Variants in ANKRD11 observed in about 807,000 individuals in gnomAD.
ANKRD11 encodes ankyrin repeat domain-containing protein 11.
In ANKRD11, 17 loss-of-function variants were observed where a neutral mutation model predicts 195.7. That is an observed-to-expected ratio of 0.09 (90% CI 0.06 to 0.13). ANKRD11 has a LOEUF of 0.13. Ranked by LOEUF, ANKRD11 falls within the 10% of genes least tolerant of loss-of-function variation. The pLI, the probability that ANKRD11 is intolerant of heterozygous loss-of-function variation, is 1.00. For missense variants in ANKRD11, 3,735 were observed against 3,566.1 expected (o/e 1.05, Z -1.21); for synonymous variants, 1,953 against 1,528.1 (o/e 1.28, Z -6.49).
At chr16:89,442,734 G>A (rs1018352832) in intron 1 of ANKRD11, among the ~76,000 whole-genome samples, 5 of 152,112 alleles carry the variant, frequency 3.3e-5, no homozygotes, top group East Asian at 1.9e-4. Context: ...ACCCAGACAC[G>A]CACAGCAAGG....
At chr16:89,468,436 G>C (rs991972241) in intron 1 of ANKRD11, among the ~76,000 whole-genome samples, 3 of 152,310 alleles carry the variant, frequency 2.0e-5, no homozygotes, top group Admixed American at 6.5e-5. Flanking sequence ...CAGGTGCAAT[G>C]GCTCACACTT....
intron 4 of ANKRD11, among the ~76,000 whole-genome samples, chr16:89,295,216 G>A (rs2035336959): frequency 6.6e-6 from 1 of 152,224 alleles, no homozygotes; most frequent in Non-Finnish European, 1.5e-5. Context: ...AACACGGCCT[G>A]CAGGCTCTGA....
In ANKRD11 at chr16:89,432,978, CT is replaced by C. The variant is rs1483389291; in HGVS notation, c.-144-14611del. Among the ~76,000 whole-genome samples the C allele has an allele frequency of 2.4e-3, 344 of 144,644 alleles. 1 individual carries two copies. Among genetic ancestry groups the C allele is most frequent in the African/African-American group, 8.8e-3 (326 of 37,004 alleles). The allele number at this position is 144,644 out of a possible 152,430, so 94.9% of individuals were successfully genotyped here. On this transcript the variant is annotated intron_variant, in intron 1 of 12. Coordinates refer to ENST00000301030, the MANE Select transcript of ANKRD11 (RefSeq NM_013275.6). ...TCTCTCTCTCTCTCTCTCTCTCTCT[CT>C]CTCTCTCTCTCCTCTCTCTCACACA...
At chr16:89,278,167 C>G (rs1567549590) in intron 9 of ANKRD11, 1 of 291,392 alleles carries the variant, frequency 3.4e-6, no homozygotes, top group Non-Finnish European at 6.7e-6. Context: ...ACGCCACACG[C>G]TGGGGCTGGA....
intron 2 of ANKRD11, among the ~76,000 whole-genome samples, chr16:89,392,225 G>A (rs1249278701): frequency 1.3e-5 from 2 of 152,232 alleles, no homozygotes; most frequent in African/African-American, 2.4e-5. Context: ...AACTGCAGGC[G>A]AGTGTACCCT....
chr16:89,370,492 A>T (rs959580956), intron 2 of ANKRD11, among the ~76,000 whole-genome samples: 3 of 152,136 alleles, frequency 2.0e-5, no homozygotes, highest in Admixed American at 6.5e-5. Flanking sequence ...CTTGAGGCAA[A>T]TTCCCCCAAC....
At chr16:89,440,542 G>A (rs2043404784) in intron 1 of ANKRD11, among the ~76,000 whole-genome samples, 1 of 152,174 alleles carries the variant, frequency 6.6e-6, no homozygotes, top group South Asian at 2.1e-4. Context: ...CTTGAGACCA[G>A]GAGGTCAACA....
chr16:89,397,834 G>A (rs1031482577), intron 2 of ANKRD11, among the ~76,000 whole-genome samples: 3 of 152,220 alleles, frequency 2.0e-5, no homozygotes, highest in African/African-American at 7.2e-5. Context: ...CCCGTGCCAC[G>A]TCTCCCAGCT....
At chr16:89,312,264 G>C (rs2036646877) in intron 3 of ANKRD11, among the ~76,000 whole-genome samples, 2 of 152,226 alleles carry the variant, frequency 1.3e-5, no homozygotes, top group East Asian at 3.8e-4. Flanking sequence ...CATCAGGTAA[G>C]CCTCAGTGCA....
chr16:89,367,266 C>T (rs2039987736), intron 2 of ANKRD11, among the ~76,000 whole-genome samples: 1 of 152,240 alleles, frequency 6.6e-6, no homozygotes, highest in Non-Finnish European at 1.5e-5. Flanking sequence ...GGGTAGAGCG[C>T]CGCTCCAGAC....
Position 89,279,576 on chromosome 16 carries a change from T to G in ANKRD11, c.6966A>C (p.Glu2322Asp). The G allele has an allele frequency of 6.9e-7, 1 of 1,450,520 alleles. No individual in the cohort carries two copies. 89.9% of individuals were successfully genotyped at this position (1,450,520 alleles called of 1,614,324 possible). ...CCTCCACTCGGGGGGCCTTCGGGGC[T>G]TCGGCCGTGGGTTTTGGTTCTGCGG... ...PEAAEPKPTA[E>D]APKAPRVEEI... Residue 2322 changes from glutamate to aspartate, a missense_variant, in exon 9 of 13, where the codon GAA becomes GAC. By Grantham distance (45) the Glu-to-Asp change is conservative. Transcript: ENST00000301030. The surrounding 1 kb of genome is among the most constrained non-coding windows in gnomAD (Gnocchi z 5.6).
chr16:89,462,829 C>G (rs1393541750), intron 1 of ANKRD11, among the ~76,000 whole-genome samples: 1 of 150,738 alleles, frequency 6.6e-6, no homozygotes, highest in Admixed American at 6.6e-5. Flanking sequence ...GCCCCTCCGC[C>G]CGGCAGCCAC....
At position 89,280,366 on chromosome 16, in the gene ANKRD11, G is replaced by T. The variant is rs117997391; in HGVS notation, c.6176C>A (p.Pro2059His). The T allele has an allele frequency of 0.02, 30,665 of 1,567,520 alleles. 2,090 individuals carry two copies. The East Asian group carries it at 0.2, about 10-fold the overall frequency. ...GCTGAAGAAGGACTCCAGCCCGGAG[G>T]GAGGGGCGTAGGGAGCCGCCTCTGA... ...STSEAAPYAP[P>H]SGLESFFSNC... The change falls in exon 9 of 13, where the codon CCC becomes CAC. Residue 2059 changes from proline to histidine, a missense_variant. By Grantham distance (77) the Pro-to-His change is moderately conservative. Transcript: ENST00000301030.
At chr16:89,353,479 C>T (rs1374455666) in intron 2 of ANKRD11, among the ~76,000 whole-genome samples, 1 of 152,032 alleles carries the variant, frequency 6.6e-6, no homozygotes, top group African/African-American at 2.4e-5. Context: ...AGGAACTGGT[C>T]ACTTTTTCAT....
intron 2 of ANKRD11, among the ~76,000 whole-genome samples, chr16:89,351,316 G>A (rs1017713814): frequency 6.6e-6 from 1 of 152,178 alleles, no homozygotes; most frequent in African/African-American, 2.4e-5. Context: ...CATTCCTGAA[G>A]GGGATGGCAT....
chr16:89,274,325 A>G (rs1219887398), intron 11 of ANKRD11, among the ~76,000 whole-genome samples: 1 of 152,188 alleles, frequency 6.6e-6, no homozygotes, highest in Non-Finnish European at 1.5e-5. Flanking sequence ...CCTGGCCCAG[A>G]TGAGCGGCAC....
At chr16:89,394,963 A>T (rs2041360900) in intron 2 of ANKRD11, among the ~76,000 whole-genome samples, 1 of 152,236 alleles carries the variant, frequency 6.6e-6, no homozygotes, top group Non-Finnish European at 1.5e-5. Context: ...CTGATGAGAG[A>T]ACCCCCTGTT....
rs1479114053 is a variant in ANKRD11 at position 89,282,024 on chromosome 16, G to A, written c.4518C>T (p.Asp1506=). 4 of 1,613,498 alleles carry A rather than the reference G, an allele frequency of 2.5e-6. No individual in the cohort carries two copies. The African/African-American group carries it at 4.0e-5, about 16-fold the overall frequency. ...TGAGCACGCGGGGCGGGCTGTCCTTGTCCCTGGTGGCGGGCTTCTGCTCGT... is the reference window on the plus strand; with the variant it reads ...TGAGCACGCGGGGCGGGCTGTCCTTATCCCTGGTGGCGGGCTTCTGCTCGT... ...HRDEQKPATR[D]KDSPPRVLKD... The change falls in exon 9 of 13, where the codon GAC becomes GAT. Residue 1506 remains aspartate (D), a synonymous_variant. Transcript: ENST00000301030.
chr16:89,282,431 C>T lies in ANKRD11; in HGVS notation c.4111G>A (p.Ala1371Thr), dbSNP rs1199769090. 7.4e-6 allele frequency: 12 copies of T among 1,614,158 alleles called. No homozygotes were observed. Among genetic ancestry groups the T allele is most frequent in the Non-Finnish European group, 1.0e-5 (12 of 1,180,028 alleles). The change falls in exon 9 of 13, where the codon GCC (alanine) becomes ACC (threonine). Residue 1371 changes from alanine to threonine, a missense_variant. Ala to Thr is a moderately conservative substitution (Grantham distance 58). Transcript: ENST00000301030. ...TCTTCGCCCTTCTCTTTCTTCTCGGCCTTCTCTTTCTTGGCTCGCTCTCGG... is the reference window on the plus strand; with the variant it reads ...TCTTCGCCCTTCTCTTTCTTCTCGGTCTTCTCTTTCTTGGCTCGCTCTCGG... Reference protein sequence around the residue: ...HDRERAKKEKAEKKEKGEDYK... With the variant: ...HDRERAKKEKTEKKEKGEDYK...
Sources: gnomAD v4.1 joint callset for allele counts (sites outside exome capture counted in the v4.1 genomes callset) on GRCh38, gnomAD v4.1.1 for gene constraint, Gnocchi (gnomAD v3.1) non-coding constraint, MANE v1.5 for transcripts, NCBI Gene and HGNC (gene_info 2026-07-23, HGNC 2026-07-21) for gene names.